RAPGEF5: variants seen among roughly 807,000 people sequenced by gnomAD.
The protein encoded by RAPGEF5 is Rap guanine nucleotide exchange factor 5, also known as M-Ras-regulated GEF.
RAPGEF5 carries 65 observed loss-of-function variants against 125.2 expected under a neutral mutation model. The ratio of observed to expected loss-of-function variants is 0.52; its 90% CI spans 0.43 to 0.64. The LOEUF (loss-of-function observed/expected upper bound fraction) is 0.64. RAPGEF5 is among the 30% of genes least tolerant of loss of function. The pLI is 0.00. For missense variants in RAPGEF5, 958 were observed against 1,048.1 expected, an observed-to-expected ratio of 0.91 and a Z score of 1.19; for synonymous variants, 391 against 385.9, an observed-to-expected ratio of 1.01 and a Z score of -0.16.
chr7:22,342,259 C>A (rs942039400), intron 1 of RAPGEF5, among the ~76,000 whole-genome samples: 8 of 152,328 alleles, frequency 5.3e-5, no homozygotes, highest in South Asian at 2.1e-4. Flanking sequence ...AGCTGGGACA[C>A]AGGACACCAA....
At chr7:22,237,492 A>C (rs1260561282) in intron 7 of RAPGEF5, among the ~76,000 whole-genome samples, 1 of 149,660 alleles carries the variant, frequency 6.7e-6, no homozygotes, top group Non-Finnish European at 1.5e-5. Flanking sequence ...AAAAAAAATC[A>C]AAAGAATTGA....
intron 16 of RAPGEF5, 133 bp from the exon 17 acceptor site, chr7:22,154,737 A>G: frequency 1.1e-6 from 1 of 917,638 alleles, no homozygotes. Context: ...TAACACATAC[A>G]GAGTTAGATT....
intron 4 of RAPGEF5, among the ~76,000 whole-genome samples, chr7:22,309,743 A>G (rs1434177647): frequency 6.6e-6 from 1 of 152,216 alleles, no homozygotes; most frequent in Non-Finnish European, 1.5e-5. Context: ...CCTACAGGTA[A>G]TATTAGTCTA....
At chr7:22,139,661 A>G (rs1448600382) in intron 21 of RAPGEF5, 1 of 170,118 alleles carries the variant, frequency 5.9e-6, no homozygotes, top group Non-Finnish European at 1.3e-5. Flanking sequence ...ATCCATGTGA[A>G]CACATTGCCA....
chr7:22,312,478 G>T (rs1448140609), intron 3 of RAPGEF5, among the ~76,000 whole-genome samples: 1 of 152,064 alleles, frequency 6.6e-6, no homozygotes, highest in Non-Finnish European at 1.5e-5. Flanking sequence ...CAAAGTGCTG[G>T]GATTACAGGC....
chr7:22,292,721 AG>A (rs1782961646), intron 5 of RAPGEF5, among the ~76,000 whole-genome samples: 1 of 152,238 alleles, frequency 6.6e-6, no homozygotes. Flanking sequence ...AAGGCACTAG[AG>A]GCAAGAGAAC....
chr7:22,297,523 C>A lies in RAPGEF5; in HGVS notation c.681-6282G>T, dbSNP rs1783089519. ...CAGGACCACCCCACAGCATTGAAGA[C>A]CCACTCAAGATTAAAGGCCATGAAT... On this transcript the variant is annotated intron_variant, in intron 5 of 25. Coordinates refer to ENST00000665637, the MANE Select transcript of RAPGEF5 (RefSeq NM_012294.5). Among the ~76,000 whole-genome samples the A allele has an allele frequency of 2.0e-5, 3 of 152,296 alleles. No individual in the cohort carries two copies. In the South Asian group the frequency reaches 6.2e-4, roughly 32 times the overall value.
rs78591793 is a variant in RAPGEF5, at chr7:22,176,989, G to C, written c.1205-9841C>G. Among the ~76,000 whole-genome samples, 966 of 152,276 alleles carry C rather than the reference G, an allele frequency of 6.3e-3. 14 individuals are homozygous for C. Among genetic ancestry groups the C allele is most frequent in the African/African-American group, 0.022 (933 of 41,556 alleles). On this transcript the variant is annotated intron_variant, in intron 11 of 25. Coordinates refer to ENST00000665637, the MANE Select transcript of RAPGEF5 (RefSeq NM_012294.5). The stretch of plus-strand genomic sequence containing the variant: ...ACAGGAGACATGCCTCTGTGTTCTG[G>C]TTCCAGAGCTGTTATTAGTGTTCTT...
At chr7:22,290,693 C>T (rs558088625) in intron 6 of RAPGEF5, among the ~76,000 whole-genome samples, 36 of 146,172 alleles carry the variant, frequency 2.5e-4, no homozygotes, top group African/African-American at 7.8e-4. Context: ...TGCAGTGAGC[C>T]GAGATCCCGC....
intron 1 of RAPGEF5, among the ~76,000 whole-genome samples, chr7:22,330,644 A>T (rs1371149867): frequency 6.6e-6 from 1 of 152,222 alleles, no homozygotes; most frequent in Non-Finnish European, 1.5e-5. Context: ...ATCTAACAAC[A>T]TCTGAAGAAA....
At chr7:22,309,252 G>T (rs1371699833) in intron 4 of RAPGEF5, among the ~76,000 whole-genome samples, 1 of 152,182 alleles carries the variant, frequency 6.6e-6, no homozygotes, top group Non-Finnish European at 1.5e-5. Context: ...AGTATTCGGT[G>T]CTAGGTACTA....
At chr7:22,244,284 A>C (rs1162269841) in intron 7 of RAPGEF5, among the ~76,000 whole-genome samples, 1 of 152,044 alleles carries the variant, frequency 6.6e-6, no homozygotes, top group African/African-American at 2.4e-5. Flanking sequence ...TATCTCAGCA[A>C]TTGTGAATAC....
At chr7:22,197,827 A>G (rs76681298) in intron 9 of RAPGEF5, among the ~76,000 whole-genome samples, 36 of 149,804 alleles carry the variant, frequency 2.4e-4, no homozygotes, top group East Asian at 1.6e-3. Context: ...AAGATGAATG[A>G]ATGCATTTGC....
At chr7:22,244,776 GCT>G (rs1289720166) in intron 7 of RAPGEF5, among the ~76,000 whole-genome samples, 1 of 152,142 alleles carries the variant, frequency 6.6e-6, no homozygotes, top group African/African-American at 2.4e-5. Flanking sequence ...GGCGACCGCT[GCT>G]GAAATTAAAA....
chr7:22,328,285 A>G (rs1449548165), intron 1 of RAPGEF5, among the ~76,000 whole-genome samples: 1 of 152,224 alleles, frequency 6.6e-6, no homozygotes, highest in African/African-American at 2.4e-5. Flanking sequence ...CCCATCAAGC[A>G]TCTTTTGGAC....
chr7:22,327,810 C>T (rs1783843602), intron 1 of RAPGEF5, among the ~76,000 whole-genome samples: 2 of 152,190 alleles, frequency 1.3e-5, no homozygotes, highest in African/African-American at 2.4e-5. Flanking sequence ...ACCTAAAGAG[C>T]TTATTTAAAA....
chr7:22,324,311 G>A (rs1783772934), intron 1 of RAPGEF5, among the ~76,000 whole-genome samples: 1 of 152,198 alleles, frequency 6.6e-6, no homozygotes, highest in African/African-American at 2.4e-5. Context: ...AAGGTTAACA[G>A]GGACCAATAA....
chr7:22,308,565 A>G (rs1037979439), intron 4 of RAPGEF5, 58 bp from the exon 5 acceptor site: 32 of 1,304,438 alleles, frequency 2.5e-5, no homozygotes, highest in Admixed American at 2.8e-5. Flanking sequence ...TCAGAGAGTA[A>G]TAACTCAAAT....
At chr7:22,244,532 T>A (rs1010503648) in intron 7 of RAPGEF5, among the ~76,000 whole-genome samples, 15 of 152,202 alleles carry the variant, frequency 9.9e-5, no homozygotes, top group African/African-American at 3.6e-4. Context: ...CAGTGATTTG[T>A]CACTGTCTCC....
Sources: allele counts gnomAD v4.1 joint callset (sites outside exome capture counted in the v4.1 genomes callset), GRCh38; gene constraint gnomAD v4.1.1; transcripts MANE v1.5; gene names NCBI Gene and HGNC (gene_info 2026-07-23, HGNC 2026-07-21).